The following IGSF10 variants were observed in gnomAD, a reference collection of about 807,000 sequenced individuals.
The protein encoded by IGSF10 is calvaria mechanical force protein 608.
In IGSF10, 126 loss-of-function variants were observed where a neutral mutation model predicts 128.2. That is an observed-to-expected ratio of 0.98 (90% CI 0.85 to 1.14). IGSF10 has a LOEUF of 1.14. Ranked by LOEUF, IGSF10 falls within the 50% of genes most tolerant of loss-of-function variation. IGSF10 has a pLI of 0.00. For missense variants in IGSF10, 3,295 were observed against 3,149.8 expected, an observed-to-expected ratio of 1.05 and a Z score of -1.10; for synonymous variants, 1,185 against 1,146.2, an observed-to-expected ratio of 1.03 and a Z score of -0.68.
the IGSF10 span, among the ~76,000 whole-genome samples, chr3:151,510,685 G>A: frequency 1.3e-5 from 2 of 151,904 alleles, no homozygotes; most frequent in Non-Finnish European, 1.5e-5. Flanking sequence ...GAGGAAGTGT[G>A]AACCAATGGC....
chr3:151,521,263 A>G, the IGSF10 span, among the ~76,000 whole-genome samples: 41 of 151,996 alleles, frequency 2.7e-4, no homozygotes, highest in African/African-American at 8.9e-4. Context: ...ACTCCCATAC[A>G]GTAATAGTGG....
At chr3:151,548,442 G>A in the IGSF10 span, among the ~76,000 whole-genome samples, 9 of 152,238 alleles carry the variant, frequency 5.9e-5, no homozygotes, top group African/African-American at 1.4e-4. Flanking sequence ...TTCCTACTGC[G>A]CTCTGCCTAA....
intron 5 of IGSF10, among the ~76,000 whole-genome samples, chr3:151,449,597 G>A (rs1721414640): frequency 6.6e-6 from 1 of 152,102 alleles, no homozygotes. Flanking sequence ...AAAATGATAT[G>A]CTCATGTTTG....
the IGSF10 span, among the ~76,000 whole-genome samples, chr3:151,617,375 T>A: frequency 6.9e-6 from 1 of 145,406 alleles, no homozygotes. Flanking sequence ...TTCTTCTCCC[T>A]TTTCTTCTCT....
upstream of IGSF10, among the ~76,000 whole-genome samples, chr3:151,463,485 A>C (rs1722139149): frequency 6.8e-6 from 1 of 147,790 alleles, no homozygotes; most frequent in South Asian, 2.1e-4. Context: ...TTAATTTTAA[A>C]ATTGTAAAAC....
At chr3:151,594,383 G>T in the IGSF10 span, among the ~76,000 whole-genome samples, 1 of 148,672 alleles carries the variant, frequency 6.7e-6, no homozygotes, top group African/African-American at 2.5e-5. Flanking sequence ...GCCCAGGCTG[G>T]AGTGCAGTGG....
chr3:151,434,161 T>G (rs9857945), downstream of IGSF10: 19,824 of 152,258 alleles, frequency 0.13, 1,654 homozygotes, highest in East Asian at 0.4. Context: ...TGATTTTACA[T>G]ATAATATAGT....
At chr3:151,547,988 T>C in the IGSF10 span, among the ~76,000 whole-genome samples, 1 of 152,218 alleles carries the variant, frequency 6.6e-6, no homozygotes, top group African/African-American at 2.4e-5. Flanking sequence ...GCAAAATATC[T>C]TTGTCTCACA....
chr3:151,485,916 G>A, the IGSF10 span, among the ~76,000 whole-genome samples: 9 of 152,134 alleles, frequency 5.9e-5, no homozygotes, highest in African/African-American at 2.2e-4. Context: ...TAACCAGCTA[G>A]CATCATAATG....
the IGSF10 span, among the ~76,000 whole-genome samples, chr3:151,491,122 GA>G: frequency 2.0e-5 from 3 of 152,042 alleles, no homozygotes; most frequent in East Asian, 3.9e-4. Context: ...GAAAAAGAGA[GA>G]GAAGACAAAA....
the IGSF10 span, among the ~76,000 whole-genome samples, chr3:151,610,994 T>A: frequency 6.6e-6 from 1 of 152,214 alleles, no homozygotes; most frequent in African/African-American, 2.4e-5. Context: ...CACCAAGGTT[T>A]AGTTGACTGG....
the IGSF10 span, among the ~76,000 whole-genome samples, chr3:151,474,207 G>A: frequency 1.1e-4 from 16 of 152,110 alleles, no homozygotes; most frequent in African/African-American, 3.6e-4. Context: ...TACGTTTGGT[G>A]TTAAACAGAA....
At position 151,447,707 on chromosome 3, in the gene IGSF10, T is replaced by A; in HGVS notation, c.2274A>T (p.Ala758=). ...CATTCTTTTTAGCTTTCTCCAACAG[T>A]GCCGCCCAATGTTGTGGGTCAATTC... is the stretch of plus-strand genomic sequence containing the variant. ...ARRIDPQHWA[A]LLEKAKKNAM... Residue 758 remains alanine (A), a synonymous_variant, in exon 6 of 8, where the codon GCA becomes GCT. Transcript: ENST00000282466. 6.2e-7 allele frequency: 1 copy of A among 1,614,184 alleles called. No individual in the cohort carries two copies.
the IGSF10 span, among the ~76,000 whole-genome samples, chr3:151,562,746 T>G: frequency 3.3e-5 from 5 of 152,008 alleles, no homozygotes; most frequent in Non-Finnish European, 7.4e-5. Context: ...CAGACCCCTA[T>G]TGACTCCAGT....
At chr3:151,440,489 G>C (rs1322341034) in intron 7 of IGSF10, 1 of 451,164 alleles carries the variant, frequency 2.2e-6, no homozygotes, top group Non-Finnish European at 4.5e-6. Context: ...AAACTGCCAG[G>C]TGCTTTGCAC....
chr3:151,472,671 A>T, the IGSF10 span, among the ~76,000 whole-genome samples: 3 of 152,140 alleles, frequency 2.0e-5, no homozygotes, highest in Non-Finnish European at 4.4e-5. Flanking sequence ...GGAAGGCCTC[A>T]TGCTTCTCCT....
chr3:151,504,316 AGGT>A, the IGSF10 span, among the ~76,000 whole-genome samples: 1 of 152,204 alleles, frequency 6.6e-6, no homozygotes, highest in South Asian at 2.1e-4. Context: ...ATGCTTGCAA[AGGT>A]GGTTTCATCA....
chr3:151,449,948 A>T (rs748932873), intron 5 of IGSF10, among the ~76,000 whole-genome samples: 16 of 152,172 alleles, frequency 1.1e-4, no homozygotes, highest in Non-Finnish European at 1.9e-4. Context: ...CCGTTTTATG[A>T]CTTTGGAAAC....
At chr3:151,468,093 T>A in the IGSF10 span, among the ~76,000 whole-genome samples, 1 of 152,028 alleles carries the variant, frequency 6.6e-6, no homozygotes, top group Non-Finnish European at 1.5e-5. Context: ...CGGCAAGGAG[T>A]ATTTCCTGCA....
Sources: allele counts gnomAD v4.1 joint callset (sites outside exome capture counted in the v4.1 genomes callset), GRCh38; gene constraint gnomAD v4.1.1; transcripts MANE v1.5; gene names NCBI Gene and HGNC (gene_info 2026-07-23, HGNC 2026-07-21).